Variants in CPS1 observed in about 807,000 individuals in gnomAD.
CPS1 encodes carbamoyl-phosphate synthase 1.
A neutral mutation model predicts 174.6 loss-of-function variants in CPS1; 109 were observed. The ratio of observed to expected loss-of-function variants is 0.62; its 90% CI spans 0.53 to 0.73. The LOEUF is 0.73. Among genes scored for constraint, CPS1 ranks in the 30% least tolerant of loss-of-function variants. CPS1 has a pLI of 0.00. For missense variants in CPS1, 1,689 were observed against 1,821.9 expected (o/e 0.93, Z 1.33); for synonymous variants, 637 against 632.0 (o/e 1.01, Z -0.12).
intron 24 of CPS1, among the ~76,000 whole-genome samples, chr2:210,640,743 A>G (rs1474057602): frequency 1.3e-5 from 2 of 152,208 alleles, no homozygotes; most frequent in African/African-American, 4.8e-5. Context: ...TTTAAATCTT[A>G]TTCTATTACT....
At chr2:210,526,174 T>C (rs945856585) in intron 1 of CPS1, among the ~76,000 whole-genome samples, 5 of 151,086 alleles carry the variant, frequency 3.3e-5, no homozygotes, top group East Asian at 3.9e-4. Flanking sequence ...TAAGTGGGAG[T>C]TGAACTATGA....
rs374071271 is a variant in CPS1 at position 210,602,258 on chromosome 2, C to T, written c.1764C>T (p.Ser588=). The T allele has an allele frequency of 2.5e-5, 40 of 1,612,398 alleles. No individual in the cohort carries two copies. The highest frequency in any genetic ancestry group is 1.4e-4 in the South Asian group (13 of 91,066). ...TTGGCTACCCAGTGATGATCCGTTC[C>T]GCCTATGCACTGGGTGGGTTAGGCT... ...DTIGYPVMIR[S]AYALGGLGSG... The change falls in exon 16 of 38, where the codon TCC becomes TCT. Residue 588 remains serine, a synonymous_variant. Coordinates refer to ENST00000233072, the MANE Select transcript of CPS1 (RefSeq NM_001875.5).
intron 2 of CPS1, among the ~76,000 whole-genome samples, chr2:210,575,247 G>C (rs951853590): frequency 6.6e-6 from 1 of 152,016 alleles, no homozygotes; most frequent in Non-Finnish European, 1.5e-5. Context: ...ACTACTGCCT[G>C]CGTTAAACTT....
chr2:210,637,192 A>AGG lies in CPS1; in HGVS notation c.2688-508_2688-507dup, dbSNP rs1371090992. ...GAGGGAAGACAAAAGCAGGTAACAA[A>AGG]GGGTAGAGCCGTGGGTAGGGGTAGG... On this transcript the variant is annotated intron_variant, in intron 21 of 37. Coordinates refer to ENST00000233072, the MANE Select transcript of CPS1 (RefSeq NM_001875.5). 9.2e-5 allele frequency among the ~76,000 whole-genome samples: 14 copies of AGG among 152,162 alleles called. 1 individual carries two copies. The South Asian group carries it at 2.5e-3, about 27-fold the overall frequency.
chr2:210,503,578 G>T (rs1057162310), intron 1 of CPS1, among the ~76,000 whole-genome samples: 1 of 151,824 alleles, frequency 6.6e-6, no homozygotes, highest in Non-Finnish European at 1.5e-5. Flanking sequence ...ACCACTGTTT[G>T]TAAACTGGTT....
At chr2:210,554,148 TATATACACACACATATAC>T (rs1696816644), upstream of CPS1, among the ~76,000 whole-genome samples, 1 of 140,796 alleles carries the variant, frequency 7.1e-6, no homozygotes, top group Non-Finnish European at 1.6e-5. Flanking sequence ...TATATATGTA[TATATACACACACATATAC>T]ATATGTATGT....
intron 1 of CPS1, among the ~76,000 whole-genome samples, chr2:210,528,407 G>C (rs1696030438): frequency 6.6e-6 from 1 of 151,858 alleles, no homozygotes; most frequent in African/African-American, 2.4e-5. Flanking sequence ...TTGTACATTT[G>C]AGAGACTATC....
At chr2:210,552,992 A>G (rs1037593229), upstream of CPS1, among the ~76,000 whole-genome samples, 1 of 152,022 alleles carries the variant, frequency 6.6e-6, no homozygotes, top group African/African-American at 2.4e-5. Flanking sequence ...ACACCCATAT[A>G]TTGCACTGGT....
At chr2:210,483,079 A>G (rs79894857) in intron 1 of CPS1, among the ~76,000 whole-genome samples, 3,284 of 152,314 alleles carry the variant, frequency 0.022, 127 homozygotes, top group African/African-American at 0.074. Context: ...GATCTTCTTC[A>G]GGTGGAATAA....
rs66825517 is a variant in CPS1, at chr2:210,491,307, GTTTTT to G, written c.3+13568_3+13572del. ...GTAAAAGCATGTATTTGGTATCTGT[GTTTTT>G]TTTTTTTTTTTTTTTTTTTTTTTTT... On this transcript the variant is annotated intron_variant, in intron 1 of 38. Transcript: ENST00000430249. Among the ~76,000 whole-genome samples the G allele has an allele frequency of 7.0e-4, 35 of 50,354 alleles. 2 individuals carry two copies. The highest frequency in any genetic ancestry group is 2.5e-3 in the South Asian group (3 of 1,216). The allele number at this position is 50,354 out of a possible 152,430, so 33.0% of individuals were successfully genotyped here. A position where few individuals can be genotyped will look rare whatever the true frequency, so the allele number is the denominator to read the frequency against.
chr2:210,644,833 C>T (rs1318974554), intron 25 of CPS1, among the ~76,000 whole-genome samples: 5 of 151,370 alleles, frequency 3.3e-5, no homozygotes, highest in African/African-American at 1.2e-4. Context: ...TTAGTGATAT[C>T]AGGTTTTAAA....
chr2:210,675,701 T>G (rs751423740), intron 35 of CPS1, 27 bp from the exon 36 acceptor site: 1 of 1,020,746 alleles, frequency 9.8e-7, no homozygotes. Context: ...TGTGATACGG[T>G]AATTGATTTT....
At chr2:210,663,029 TGA>T (rs1700972283) in intron 32 of CPS1, 92 bp from the exon 33 acceptor site, 4 of 1,233,342 alleles carry the variant, frequency 3.2e-6, no homozygotes, top group Middle Eastern at 1.9e-4. Flanking sequence ...GTGAACTCTG[TGA>T]GAGATGATTT....
intron 1 of CPS1, among the ~76,000 whole-genome samples, chr2:210,524,595 T>G (rs1695923396): frequency 6.6e-6 from 1 of 152,000 alleles, no homozygotes; most frequent in Non-Finnish European, 1.5e-5. Context: ...TTGTCATCCT[T>G]ATTTGATTGG....
intron 13 of CPS1, among the ~76,000 whole-genome samples, chr2:210,596,246 G>T (rs1235462313): frequency 6.6e-6 from 1 of 151,922 alleles, no homozygotes; most frequent in East Asian, 1.9e-4. Context: ...AAATTCCGTT[G>T]TATATTTAAT....
chr2:210,635,615 C>T lies in CPS1; in HGVS notation c.2688-2087C>T, dbSNP rs142789035. 9.2e-5 allele frequency among the ~76,000 whole-genome samples: 14 copies of T among 152,246 alleles called. No homozygotes were observed. The East Asian group carries it at 1.9e-3, about 21-fold the overall frequency. On this transcript the variant is annotated intron_variant, in intron 21 of 37. Transcript: ENST00000233072. ...TTAAATAACCACATGTGGCTAGGGG[C>T]TGCTATGTTGGATGGCACAGTTCTA...
At chr2:210,647,238 A>G (rs1253633215) in intron 25 of CPS1, among the ~76,000 whole-genome samples, 1 of 152,198 alleles carries the variant, frequency 6.6e-6, no homozygotes, top group Non-Finnish European at 1.5e-5. Flanking sequence ...AGGAAACAAC[A>G]GCCAGGGAAG....
At chr2:210,512,776 A>C (rs1175163568) in intron 1 of CPS1, among the ~76,000 whole-genome samples, 1 of 114,524 alleles carries the variant, frequency 8.7e-6, no homozygotes, top group African/African-American at 3.3e-5. Flanking sequence ...ATATATATAT[A>C]TATATATATG....
intron 6 of CPS1, among the ~76,000 whole-genome samples, chr2:210,587,784 T>C (rs529744264): frequency 2.9e-4 from 44 of 152,246 alleles, no homozygotes; most frequent in Admixed American, 8.5e-4. Context: ...TGGTTAACTA[T>C]GCATGCAACC....
Sources: allele counts gnomAD v4.1 joint callset (sites outside exome capture counted in the v4.1 genomes callset), GRCh38; gene constraint gnomAD v4.1.1; transcripts MANE v1.5; gene names NCBI Gene and HGNC (gene_info 2026-07-23, HGNC 2026-07-21).